Variants in YPEL5 observed in about 807,000 individuals in gnomAD.
YPEL5 encodes the protein yippee like 5.
A neutral mutation model predicts 10.5 loss-of-function variants in YPEL5; 1 was observed. The ratio of observed to expected loss-of-function variants is 0.10; its 90% CI spans 0.03 to 0.45. The LOEUF (loss-of-function observed/expected upper bound fraction) is 0.45. Among genes scored for constraint, YPEL5 ranks in the 20% least tolerant of loss-of-function variants. YPEL5 has a pLI of 0.97. For synonymous variants in YPEL5, 61 were observed against 56.6 expected, an observed-to-expected ratio of 1.08 and a Z score of -0.35; for missense variants, 68 against 159.3, an observed-to-expected ratio of 0.43 and a Z score of 3.09.
chr2:30,153,049 C>T (rs1219222437), intron 1 of YPEL5, among the ~76,000 whole-genome samples: 8 of 152,144 alleles, frequency 5.3e-5, no homozygotes, highest in East Asian at 1.9e-4. Flanking sequence ...TACAGGTGCC[C>T]GCCACCATGC....
chr2:30,155,749 C>T, intron 1 of YPEL5: 1 of 152,170 alleles, frequency 6.6e-6, no homozygotes, highest in East Asian at 1.9e-4. Flanking sequence ...TTCAGTGTTT[C>T]AGCACTTTTA....
rs1178667007 is a variant in YPEL5 at position 30,158,984 on chromosome 2, T to C, written c.*141T>C. The C allele has an allele frequency of 8.0e-6, 6 of 752,870 alleles. No homozygotes were observed. Among genetic ancestry groups the C allele is most frequent in the Non-Finnish European group, 1.3e-5 (6 of 477,642 alleles). 46.6% of individuals were successfully genotyped at this position (752,870 alleles called of 1,614,324 possible). On this transcript the variant is annotated 3_prime_UTR_variant, in exon 3 of 3. Transcript: ENST00000261353. ...TTGTGAGAATCTAAGATGGAACCTT[T>C]CTTTCTTTCTTTCTTTTTTTTTAAA...
At chr2:30,147,843 CCCGCCG>C (rs1487345593) in intron 1 of YPEL5, 5 of 153,902 alleles carry the variant, frequency 3.2e-5, no homozygotes, top group Non-Finnish European at 7.2e-5. Flanking sequence ...CGAGGGAGGC[CCCGCCG>C]CCACCGCCGC....
intron 2 of YPEL5, among the ~76,000 whole-genome samples, chr2:30,158,251 A>G (rs1676126830): frequency 6.6e-6 from 1 of 152,214 alleles, no homozygotes; most frequent in South Asian, 2.1e-4. Flanking sequence ...CATGGATTGT[A>G]TTATTTGCAC....
rs1676220822 is a variant in YPEL5 at position 30,160,216 on chromosome 2, A to C, written c.*1373A>C. The C allele has an allele frequency of 6.6e-6, 1 of 152,440 alleles. No homozygotes were observed. The allele number at this position is 152,440 out of a possible 1,614,324, so 9.4% of individuals were successfully genotyped here. On this transcript the variant is annotated 3_prime_UTR_variant, in exon 3 of 3. Coordinates refer to ENST00000261353, the MANE Select transcript of YPEL5 (RefSeq NM_016061.3). ...TTCTAGGTCCTTTGTCTAGAAAGGA[A>C]ATTTGCCTCAGTTGAATTAGTGAAA... is the stretch of plus-strand genomic sequence containing the variant.
intron 1 of YPEL5, among the ~76,000 whole-genome samples, 191 bp downstream of exon 1, chr2:30,147,253 T>C (rs1382605495): frequency 2.0e-5 from 3 of 151,844 alleles, no homozygotes; most frequent in African/African-American, 7.2e-5. Context: ...GCCCCGGCGC[T>C]GGGACCGCGG....
chr2:30,149,024 G>A (rs141899582), intron 1 of YPEL5, among the ~76,000 whole-genome samples: 2 of 152,276 alleles, frequency 1.3e-5, no homozygotes, highest in African/African-American at 4.8e-5. Context: ...CTTGAGTCGG[G>A]AAGCCAGACA....
At chr2:30,154,860 T>TC (rs1187753742) in intron 1 of YPEL5, among the ~76,000 whole-genome samples, 1 of 152,218 alleles carries the variant, frequency 6.6e-6, no homozygotes, top group Non-Finnish European at 1.5e-5. Flanking sequence ...TGCCTCAGCC[T>TC]CCCGAGTAGC....
Position 30,149,659 on chromosome 2 carries a change from C to T in YPEL5, c.-25+2597C>T, listed in dbSNP as rs754866407. 2.0e-5 allele frequency among the ~76,000 whole-genome samples: 3 copies of T among 152,334 alleles called. No individual in the cohort carries two copies. In the East Asian group the frequency reaches 5.8e-4, roughly 29 times the overall value. On this transcript the variant is annotated intron_variant, in intron 1 of 2. Transcript: ENST00000261353. Reference sequence around the variant, plus strand: ...AACGAGATAGGAAAGCTGGCTTCCACGGGATTCCATTTTAGCAGAGTCATT... The same window carrying T: ...AACGAGATAGGAAAGCTGGCTTCCATGGGATTCCATTTTAGCAGAGTCATT...
At chr2:30,155,781 T>G (rs1389026309) in intron 1 of YPEL5, 1 of 152,258 alleles carries the variant, frequency 6.6e-6, no homozygotes, top group Non-Finnish European at 1.5e-5. Context: ...ATCAGTAAGA[T>G]TTCTTAAAGA....
chr2:30,158,533 G>A, intron 2 of YPEL5, 86 bp from the exon 3 acceptor site: 1 of 1,238,830 alleles, frequency 8.1e-7, no homozygotes, highest in Non-Finnish European at 1.2e-6. Flanking sequence ...TTCTGAAGTT[G>A]CTGTTGCATT....
At chr2:30,154,517 C>G (rs2103515442) in intron 1 of YPEL5, among the ~76,000 whole-genome samples, 1 of 152,322 alleles carries the variant, frequency 6.6e-6, no homozygotes, top group Middle Eastern at 3.4e-3. Flanking sequence ...GAAATCCAAA[C>G]TACAGGCTCT....
intron 2 of YPEL5, among the ~76,000 whole-genome samples, chr2:30,157,132 A>C (rs1041701250): frequency 1.2e-4 from 19 of 152,160 alleles, no homozygotes; most frequent in African/African-American, 4.6e-4. Flanking sequence ...AAAATACAAA[A>C]ATTAGCTGGG....
At chr2:30,153,386 C>A (rs1489161608) in intron 1 of YPEL5, among the ~76,000 whole-genome samples, 1 of 152,196 alleles carries the variant, frequency 6.6e-6, no homozygotes, top group Non-Finnish European at 1.5e-5. Context: ...TGGAAAGGAG[C>A]AGGCAGCTCT....
rs1164495426 is a variant in YPEL5, at chr2:30,154,863, C to T, written c.-24-1765C>T. Among the ~76,000 whole-genome samples, 5 of 152,270 alleles carry T rather than the reference C, an allele frequency of 3.3e-5. No individual in the cohort carries two copies. In the South Asian group the frequency reaches 8.3e-4, roughly 25 times the overall value. On this transcript the variant is annotated intron_variant, in intron 1 of 2. Transcript: ENST00000261353. ...AAGCCATTCTCCTGCCTCAGCCTCC[C>T]GAGTAGCTGAGACTACAGGCGTGCG...
At chr2:30,155,830 T>C (rs1252948553) in intron 1 of YPEL5, 4 of 152,256 alleles carry the variant, frequency 2.6e-5, no homozygotes, top group African/African-American at 9.6e-5. Context: ...CTTTCCCTTA[T>C]TCTGTTCTCA....
At chr2:30,157,632 A>T (rs897258670) in intron 2 of YPEL5, among the ~76,000 whole-genome samples, 1 of 152,144 alleles carries the variant, frequency 6.6e-6, no homozygotes, top group Non-Finnish European at 1.5e-5. Context: ...GGATGCCGTG[A>T]TTCTGCCTCC....
chr2:30,159,126 G>A lies in YPEL5; in HGVS notation c.*283G>A, dbSNP rs1389916464. 3.0e-6 allele frequency: 1 copy of A among 333,212 alleles called. No homozygotes were observed. The highest frequency in any genetic ancestry group is 5.5e-6 in the Non-Finnish European group (1 of 181,816). The allele number at this position is 333,212 out of a possible 1,614,324, so 20.6% of individuals were successfully genotyped here. On this transcript the variant is annotated 3_prime_UTR_variant, in exon 3 of 3. Coordinates refer to ENST00000261353, the MANE Select transcript of YPEL5 (RefSeq NM_016061.3). ...GAGTCTGTCTGCAGCTATGTGGTGA[G>A]CTATGTAAGGAAAAAAATCTGGGCT...
chr2:30,149,182 T>C (rs1269769481), intron 1 of YPEL5, among the ~76,000 whole-genome samples: 3 of 152,238 alleles, frequency 2.0e-5, no homozygotes, highest in African/African-American at 7.2e-5. Context: ...GTGAAATGAC[T>C]AGTCTTATTT....
Sources: gnomAD v4.1 joint callset for allele counts (sites outside exome capture counted in the v4.1 genomes callset) on GRCh38, gnomAD v4.1.1 for gene constraint, MANE v1.5 for transcripts, NCBI Gene and HGNC (gene_info 2026-07-23, HGNC 2026-07-21) for gene names.